The following ATXN1 variants were observed in gnomAD, a reference collection of about 807,000 sequenced individuals.
ATXN1 encodes ataxin 1.
ATXN1 carries 8 observed loss-of-function variants against 56.4 expected under a neutral mutation model. That is an observed-to-expected ratio of 0.14 (90% CI 0.08 to 0.26). ATXN1 has a LOEUF of 0.26. Ranked by LOEUF, ATXN1 falls within the 10% of genes least tolerant of loss-of-function variation. The pLI is 1.00. For synonymous variants in ATXN1, 514 were observed against 494.6 expected (o/e 1.04, Z -0.52); for missense variants, 987 against 1,106.5 (o/e 0.89, Z 1.53).
At chr6:16,531,155 GA>G (rs1388068604) in intron 4 of ATXN1, among the ~76,000 whole-genome samples, 1 of 152,192 alleles carries the variant, frequency 6.6e-6, no homozygotes, top group Non-Finnish European at 1.5e-5. Context: ...AGAGAAGCAG[GA>G]AACCATCTTT....
At chr6:16,701,305 C>A (rs1402846889) in intron 2 of ATXN1, among the ~76,000 whole-genome samples, 2 of 152,224 alleles carry the variant, frequency 1.3e-5, no homozygotes, top group African/African-American at 4.8e-5. Context: ...TGCTCTGGGA[C>A]AAGCATGGCC....
At chr6:16,624,060 A>T (rs1346858078) in intron 3 of ATXN1, among the ~76,000 whole-genome samples, 4 of 152,204 alleles carry the variant, frequency 2.6e-5, no homozygotes, top group African/African-American at 9.7e-5. Context: ...CAAAATAAAA[A>T]GAGTTCTGGG....
intron 5 of ATXN1, among the ~76,000 whole-genome samples, chr6:16,521,051 T>G (rs1761278936): frequency 6.6e-6 from 1 of 152,176 alleles, no homozygotes. Context: ...AGATGAAATG[T>G]TTTGGAAATA....
At chr6:16,444,449 C>T (rs1241564521) in intron 6 of ATXN1, among the ~76,000 whole-genome samples, 1 of 152,184 alleles carries the variant, frequency 6.6e-6, no homozygotes, top group African/African-American at 2.4e-5. Context: ...TCCCAATGCT[C>T]AGACAGGGGA....
At chr6:16,579,859 G>A (rs1762497113) in intron 4 of ATXN1, among the ~76,000 whole-genome samples, 1 of 151,978 alleles carries the variant, frequency 6.6e-6, no homozygotes, top group South Asian at 2.1e-4. Flanking sequence ...GAGAGAGAGA[G>A]AGAGAGAAGA....
intron 5 of ATXN1, among the ~76,000 whole-genome samples, chr6:16,505,911 A>G (rs2113679138): frequency 6.6e-6 from 1 of 152,276 alleles, no homozygotes; most frequent in Middle Eastern, 3.4e-3. Flanking sequence ...GCCTCCATAT[A>G]CCCAACGAAT....
At chr6:16,514,750 A>C (rs1160464005) in intron 5 of ATXN1, among the ~76,000 whole-genome samples, 1 of 152,008 alleles carries the variant, frequency 6.6e-6, no homozygotes, top group Non-Finnish European at 1.5e-5. Context: ...TTGGGAGGCC[A>C]AGGTGGGCAG....
At position 16,753,275 on chromosome 6, in the gene ATXN1, G is replaced by A; in HGVS notation, c.-657C>T. 2.2e-6 allele frequency: 1 copy of A among 456,742 alleles called. No homozygotes were observed. The highest frequency in any genetic ancestry group is 4.4e-6 in the Non-Finnish European group (1 of 226,988). 28.3% of individuals were successfully genotyped at this position (456,742 alleles called of 1,614,324 possible). On this transcript the variant is annotated 5_prime_UTR_variant, in exon 2 of 8. Coordinates refer to ENST00000436367, the MANE Select transcript of ATXN1 (RefSeq NM_001128164.2). ...TCCCTGTAGTGGCAGTGGAGGAGGA[G>A]ATTGCTGTACAAGGATGACAAACAA... is the stretch of plus-strand genomic sequence containing the variant.
chr6:16,656,058 C>G (rs1758194555), intron 3 of ATXN1, among the ~76,000 whole-genome samples: 1 of 149,724 alleles, frequency 6.7e-6, no homozygotes, highest in South Asian at 2.1e-4. Context: ...CCACTGCACT[C>G]CAGCCTGGTG....
chr6:16,755,495 A>C (rs1760859573), intron 1 of ATXN1, among the ~76,000 whole-genome samples: 1 of 152,208 alleles, frequency 6.6e-6, no homozygotes, highest in Non-Finnish European at 1.5e-5. Flanking sequence ...GGCCTAAACA[A>C]AACTGAGGTA....
intron 3 of ATXN1, among the ~76,000 whole-genome samples, chr6:16,643,627 C>CAAAAA (rs58223053): frequency 2.2e-4 from 14 of 63,096 alleles, no homozygotes; most frequent in East Asian, 4.1e-4. Flanking sequence ...GAGACCCTGC[C>CAAAAA]AAAAAAAAAA....
At chr6:16,418,048 G>T (rs184032046) in intron 6 of ATXN1, among the ~76,000 whole-genome samples, 1 of 152,304 alleles carries the variant, frequency 6.6e-6, no homozygotes, top group African/African-American at 2.4e-5. Context: ...TTGAGACAGG[G>T]TGATTAATGG....
chr6:16,427,315 T>C (rs1759177867), intron 6 of ATXN1, among the ~76,000 whole-genome samples: 1 of 152,230 alleles, frequency 6.6e-6, no homozygotes, highest in Admixed American at 6.5e-5. Context: ...TAGATGCTGG[T>C]AGCTCCTCCC....
chr6:16,644,889 T>G (rs367693104), intron 3 of ATXN1, among the ~76,000 whole-genome samples: 1 of 152,216 alleles, frequency 6.6e-6, no homozygotes, highest in Middle Eastern at 3.2e-3. Flanking sequence ...TTTAAATGCA[T>G]CAAGCAGACT....
intron 5 of ATXN1, among the ~76,000 whole-genome samples, chr6:16,517,672 G>C (rs993393818): frequency 3.9e-5 from 6 of 152,140 alleles, no homozygotes; most frequent in East Asian, 3.8e-4. Flanking sequence ...CAGAGAGAGA[G>C]AGAACACAAG....
At chr6:16,609,558 A>G (rs775885508) in intron 3 of ATXN1, among the ~76,000 whole-genome samples, 1 of 152,228 alleles carries the variant, frequency 6.6e-6, no homozygotes, top group Non-Finnish European at 1.5e-5. Context: ...GCTGAAAAAC[A>G]CACCTGGTCT....
At chr6:16,329,082 C>T (rs753581263) in intron 6 of ATXN1, among the ~76,000 whole-genome samples, 1 of 151,816 alleles carries the variant, frequency 6.6e-6, no homozygotes, top group African/African-American at 2.4e-5. Flanking sequence ...TTCTCAATAC[C>T]CTCTCTCCTG....
intron 5 of ATXN1, among the ~76,000 whole-genome samples, chr6:16,514,928 A>G (rs1761150619): frequency 6.6e-6 from 1 of 151,892 alleles, no homozygotes; most frequent in Non-Finnish European, 1.5e-5. Context: ...GGTTGCAGTG[A>G]GCCGAGATCA....
chr6:16,320,193 T>C (rs1386054474), intron 7 of ATXN1, among the ~76,000 whole-genome samples: 2 of 152,082 alleles, frequency 1.3e-5, no homozygotes, highest in African/African-American at 4.8e-5. Context: ...TGCATAATGT[T>C]ACCACCGATG....
Sources: gnomAD v4.1 joint callset for allele counts (sites outside exome capture counted in the v4.1 genomes callset) on GRCh38, gnomAD v4.1.1 for gene constraint, MANE v1.5 for transcripts, NCBI Gene and HGNC (gene_info 2026-07-23, HGNC 2026-07-21) for gene names.